Variants in CNST observed in about 807,000 individuals in gnomAD.
CNST encodes the protein consortin.
A neutral mutation model predicts 72.4 loss-of-function variants in CNST; 39 were observed. The ratio of observed to expected loss-of-function variants is 0.54; its 90% CI spans 0.42 to 0.70. CNST has a LOEUF of 0.70. Ranked by LOEUF, CNST falls within the 30% of genes least tolerant of loss-of-function variation. The pLI is 0.00. For missense variants in CNST, 871 were observed against 868.5 expected, an observed-to-expected ratio of 1.00 and a Z score of -0.04; for synonymous variants, 332 against 320.1, an observed-to-expected ratio of 1.04 and a Z score of -0.40.
intron 9 of CNST, among the ~76,000 whole-genome samples, chr1:246,650,239 TG>T (rs1390475345): frequency 6.6e-6 from 1 of 152,210 alleles, no homozygotes; most frequent in Non-Finnish European, 1.5e-5. Flanking sequence ...CAGCTAACAG[TG>T]GAAATTACAT....
At chr1:246,593,324 T>A (rs1052385893) in intron 2 of CNST, among the ~76,000 whole-genome samples, 1 of 151,714 alleles carries the variant, frequency 6.6e-6, no homozygotes, top group Non-Finnish European at 1.5e-5. Context: ...GAAAGCTTTT[T>A]TTTTTTTTCT....
At chr1:246,612,192 A>G (rs1010415476) in intron 2 of CNST, among the ~76,000 whole-genome samples, 1 of 152,188 alleles carries the variant, frequency 6.6e-6, no homozygotes, top group Non-Finnish European at 1.5e-5. Flanking sequence ...ATTGAACAAC[A>G]TTGTGAATGT....
intron 9 of CNST, among the ~76,000 whole-genome samples, chr1:246,653,995 C>T (rs73134630): frequency 1.2e-4 from 19 of 152,314 alleles, no homozygotes; most frequent in African/African-American, 4.6e-4. Context: ...ACAGATTAAA[C>T]CAACCACAGC....
intron 1 of CNST, among the ~76,000 whole-genome samples, chr1:246,581,470 T>C (rs541592301): frequency 4.6e-4 from 70 of 151,870 alleles, no homozygotes; most frequent in African/African-American, 1.6e-3. Context: ...TCCATGTTGG[T>C]CAGGCTGGTC....
chr1:246,661,789 G>A (rs2103170530), intron 10 of CNST, among the ~76,000 whole-genome samples: 1 of 152,284 alleles, frequency 6.6e-6, no homozygotes, highest in South Asian at 2.1e-4. Flanking sequence ...TGCTTTCTGG[G>A]TGTGACATAA....
intron 9 of CNST, among the ~76,000 whole-genome samples, chr1:246,656,953 C>G (rs879584487): frequency 5.9e-5 from 9 of 152,074 alleles, no homozygotes; most frequent in Non-Finnish European, 1.3e-4. Context: ...AAAAACAAAA[C>G]AAAATAATAG....
intron 2 of CNST, among the ~76,000 whole-genome samples, chr1:246,610,159 G>A (rs1480129372): frequency 1.3e-5 from 2 of 152,102 alleles, no homozygotes; most frequent in Non-Finnish European, 2.9e-5. Flanking sequence ...GCGAGCACCT[G>A]TAATCCCAGC....
rs367745311 is a variant in CNST at position 246,634,509 on chromosome 1, C to A, written c.740C>A (p.Thr247Lys). 9 of 1,603,998 alleles carry A rather than the reference C, an allele frequency of 5.6e-6. No homozygotes were observed. The highest frequency in any genetic ancestry group is 7.6e-6 in the Non-Finnish European group (9 of 1,177,614). The part of the protein sequence containing the change: ...KWKTVQPHTV[T>K]ALRNSEKGFN... ...AAAACTGTGCAACCACATACAGTTACGGCTCTAAGGAATTCAGAAAAGGGA... is the reference window on the plus strand; with the variant it reads ...AAAACTGTGCAACCACATACAGTTAAGGCTCTAAGGAATTCAGAAAAGGGA... Residue 247 changes from threonine to lysine, a missense_variant, in exon 6 of 11, where the codon ACG becomes AAG. By Grantham distance (78) the Thr-to-Lys change is moderately conservative (BLOSUM62 -1). Transcript: ENST00000366513.
intron 9 of CNST, among the ~76,000 whole-genome samples, chr1:246,656,235 C>T (rs1317942859): frequency 1.6e-5 from 2 of 126,040 alleles, no homozygotes; most frequent in Non-Finnish European, 2.9e-5. Flanking sequence ...CTTCCAACAG[C>T]AGTGTGTCTC....
At chr1:246,635,163 C>T (rs899562896) in intron 6 of CNST, among the ~76,000 whole-genome samples, 14 of 152,204 alleles carry the variant, frequency 9.2e-5, no homozygotes, top group Admixed American at 5.9e-4. Flanking sequence ...GCAACTTTCT[C>T]CATAACTACT....
Position 246,647,367 on chromosome 1 carries a change from C to T in CNST, c.1166C>T (p.Ser389Phe), listed in dbSNP as rs149528217. 18 of 1,613,988 alleles carry T rather than the reference C, an allele frequency of 1.1e-5. No individual in the cohort carries two copies. In the African/African-American group the frequency reaches 1.7e-4, roughly 16 times the overall value. ...ETAGSPSGPD[S>F]SEDACEDDSR... ...GCAGGGAGCCCGTCTGGGCCAGACTCTTCTGAGGATGCTTGTGAGGATGAC... is the reference window on the plus strand; with the variant it reads ...GCAGGGAGCCCGTCTGGGCCAGACTTTTCTGAGGATGCTTGTGAGGATGAC... The change falls in exon 9 of 11, where the codon TCT becomes TTT. Residue 389 changes from serine to phenylalanine, a missense_variant. Transcript: ENST00000366513.
At chr1:246,627,913 T>C (rs925500857) in intron 3 of CNST, among the ~76,000 whole-genome samples, 3 of 151,414 alleles carry the variant, frequency 2.0e-5, no homozygotes, top group Non-Finnish European at 2.9e-5. Flanking sequence ...ATATATCCTA[T>C]ATATATTTAT....
rs1491252940 is a variant in CNST at position 246,642,132 on chromosome 1, G to GTTTTTTTTTTTTTTTTTTTTTTTTTTT, written c.937+95_937+96insTTTTTTTTTTTTTTTTTTTTTTTTTTT. On this transcript the variant is annotated intron_variant, in intron 8 of 10. Transcript: ENST00000366513. The stretch of plus-strand genomic sequence containing the variant: ...ACATCTGAATTGCTGCAAAGGATCT[G>GTTTTTTTTTTTTTTTTTTTTTTTTTTT]GTTTTTTTTTTTTTTTTTTTTTGCA... 29 of 193,284 alleles carry GTTTTTTTTTTTTTTTTTTTTTTTTTTT rather than the reference G, an allele frequency of 1.5e-4. 9 individuals carry two copies. The highest frequency in any genetic ancestry group is 1.5e-3 in the African/African-American group (28 of 18,778). 12.0% of individuals were successfully genotyped at this position (193,284 alleles called of 1,614,324 possible).
intron 1 of CNST, among the ~76,000 whole-genome samples, chr1:246,589,684 T>G (rs1002839103): frequency 6.6e-6 from 1 of 152,200 alleles, no homozygotes; most frequent in African/African-American, 2.4e-5. Flanking sequence ...CCTGAGGAAT[T>G]GCCATACTGT....
chr1:246,638,027 G>C (rs1407262354), intron 6 of CNST, among the ~76,000 whole-genome samples: 1 of 152,178 alleles, frequency 6.6e-6, no homozygotes, highest in Non-Finnish European at 1.5e-5. Context: ...CTGAGTGGCA[G>C]ATACAGCAGG....
chr1:246,636,527 C>T (rs1424935746), intron 6 of CNST, among the ~76,000 whole-genome samples: 2 of 152,134 alleles, frequency 1.3e-5, no homozygotes, highest in Non-Finnish European at 2.9e-5. Context: ...GGAGGGGATA[C>T]GTCTGCTTAT....
At chr1:246,585,684 C>T (rs866535156) in intron 1 of CNST, among the ~76,000 whole-genome samples, 2,233 of 135,968 alleles carry the variant, frequency 0.016, 169 homozygotes, top group African/African-American at 0.062. Flanking sequence ...CACACACACA[C>T]ACACACACAC....
At chr1:246,605,668 G>A (rs77602836) in intron 2 of CNST, among the ~76,000 whole-genome samples, 1 of 143,100 alleles carries the variant, frequency 7.0e-6, no homozygotes, top group African/African-American at 2.6e-5. Context: ...CGGCCGGGGT[G>A]CGTGTCTTCC....
At chr1:246,624,209 C>T (rs1195191408) in intron 3 of CNST, among the ~76,000 whole-genome samples, 2 of 152,210 alleles carry the variant, frequency 1.3e-5, no homozygotes, top group African/African-American at 4.8e-5. Flanking sequence ...ACGAACTCAC[C>T]ATTGTTGAGT....
Sources: gnomAD v4.1 joint callset for allele counts (sites outside exome capture counted in the v4.1 genomes callset) on GRCh38, gnomAD v4.1.1 for gene constraint, MANE v1.5 for transcripts, NCBI Gene and HGNC (gene_info 2026-07-23, HGNC 2026-07-21) for gene names.